The following BMPR1B variants were observed in gnomAD, a reference collection of about 807,000 sequenced individuals.
BMPR1B encodes the protein bone morphogenetic protein receptor type-1B.
BMPR1B carries 12 observed loss-of-function variants against 59.1 expected under a neutral mutation model. The ratio of observed to expected loss-of-function variants is 0.20; its 90% CI spans 0.13 to 0.33. BMPR1B has a LOEUF of 0.33. Among genes scored for constraint, BMPR1B ranks in the 10% least tolerant of loss-of-function variants. The probability of loss-of-function intolerance (pLI) is 1.00; values close to 1 mark genes in which losing one functional copy is unlikely to be tolerated. For missense variants in BMPR1B, 550 were observed against 610.9 expected (o/e 0.90, Z 1.05); for synonymous variants, 237 against 207.3 (o/e 1.14, Z -1.23).
intron 1 of BMPR1B, among the ~76,000 whole-genome samples, chr4:94,827,567 G>C (rs949384213): frequency 6.6e-6 from 1 of 151,914 alleles, no homozygotes; most frequent in Non-Finnish European, 1.5e-5. Flanking sequence ...TTTCCTTAGA[G>C]AGCTTACTTT....
At chr4:94,949,819 C>T (rs1004428262) in intron 2 of BMPR1B, among the ~76,000 whole-genome samples, 1 of 152,112 alleles carries the variant, frequency 6.6e-6, no homozygotes, top group African/African-American at 2.4e-5. Flanking sequence ...AATGGGATTA[C>T]TGGGTCAAAT....
At chr4:95,067,619 T>C (rs1435023805) in intron 3 of BMPR1B, among the ~76,000 whole-genome samples, 1 of 152,230 alleles carries the variant, frequency 6.6e-6, no homozygotes, top group African/African-American at 2.4e-5. Context: ...TTGTAAATAA[T>C]AGACGTGTTG....
At chr4:94,774,582 G>A (rs141331027) in intron 1 of BMPR1B, among the ~76,000 whole-genome samples, 30 of 151,968 alleles carry the variant, frequency 2.0e-4, no homozygotes, top group African/African-American at 6.5e-4. Flanking sequence ...TTTTCTTCTT[G>A]TGCTTTTCTG....
chr4:94,902,094 AT>A (rs1727840862), intron 2 of BMPR1B, among the ~76,000 whole-genome samples: 1 of 111,492 alleles, frequency 9.0e-6, no homozygotes, highest in African/African-American at 4.1e-5. Context: ...TGTGGGGTGT[AT>A]TTAAAGGAAA....
chr4:95,043,181 CAAAAAAAAAAAAAA>C (rs751904820), intron 3 of BMPR1B, among the ~76,000 whole-genome samples: 13 of 51,454 alleles, frequency 2.5e-4, no homozygotes, highest in South Asian at 1.1e-3. Context: ...GACTCCGTCT[CAAAAAAAAAAAAAA>C]AAAAAAAAAA....
chr4:95,043,210 A>AG (rs1725794310), intron 3 of BMPR1B, among the ~76,000 whole-genome samples: 1 of 146,430 alleles, frequency 6.8e-6, no homozygotes, highest in African/African-American at 2.5e-5. Context: ...AAAAAAAAAA[A>AG]AGAATTACCT....
intron 2 of BMPR1B, among the ~76,000 whole-genome samples, chr4:94,962,655 G>A (rs975635289): frequency 3.9e-5 from 6 of 152,016 alleles, no homozygotes; most frequent in African/African-American, 1.4e-4. Context: ...GGAAATGACA[G>A]GTTTCATTCT....
At chr4:94,829,790 AG>A (rs1724510538) in intron 1 of BMPR1B, among the ~76,000 whole-genome samples, 1 of 152,202 alleles carries the variant, frequency 6.6e-6, no homozygotes, top group African/African-American at 2.4e-5. Context: ...ATAATCCCCA[AG>A]GTCAGGATTA....
At chr4:95,064,701 C>T (rs1201906736) in intron 3 of BMPR1B, among the ~76,000 whole-genome samples, 1 of 152,066 alleles carries the variant, frequency 6.6e-6, no homozygotes, top group Non-Finnish European at 1.5e-5. Context: ...AGAAAAATAA[C>T]CCAGTTTGAA....
In BMPR1B at chr4:94,758,030, G is replaced by A. The variant is rs1460536671; in HGVS notation, c.-221G>A. The A allele has an allele frequency of 6.8e-6, 1 of 147,542 alleles. No individual in the cohort carries two copies. Among genetic ancestry groups the A allele is most frequent in the Non-Finnish European group, 1.5e-5 (1 of 66,108 alleles). The allele number at this position is 147,542 out of a possible 1,614,324, so 9.1% of individuals were successfully genotyped here. The stretch of plus-strand genomic sequence containing the variant: ...CGGGACGCCGGGCAGTGCGGAGACC[G>A]CGGCGCTGAGGACGCGGGAGCCGGG... On this transcript the variant is annotated 5_prime_UTR_variant, in exon 1 of 13. Coordinates refer to ENST00000515059, the MANE Select transcript of BMPR1B (RefSeq NM_001203.3).
At chr4:94,879,248 AC>A (rs1726864621) in intron 2 of BMPR1B, among the ~76,000 whole-genome samples, 1 of 152,216 alleles carries the variant, frequency 6.6e-6, no homozygotes, top group Non-Finnish European at 1.5e-5. Flanking sequence ...AGTACCTTAT[AC>A]TTCCTGGTAG....
chr4:94,986,018 C>T (rs994916558), intron 2 of BMPR1B, among the ~76,000 whole-genome samples: 1 of 152,080 alleles, frequency 6.6e-6, no homozygotes, highest in Non-Finnish European at 1.5e-5. Flanking sequence ...TTCATTTTCT[C>T]TACTGGTGTT....
intron 10 of BMPR1B, among the ~76,000 whole-genome samples, chr4:95,145,353 T>G (rs1734566141): frequency 6.6e-6 from 1 of 152,206 alleles, no homozygotes; most frequent in African/African-American, 2.4e-5. Context: ...TATCTTTTCT[T>G]GTCAACCTTG....
chr4:95,072,182 G>A (rs1226666640), intron 3 of BMPR1B, among the ~76,000 whole-genome samples: 1 of 152,130 alleles, frequency 6.6e-6, no homozygotes, highest in Non-Finnish European at 1.5e-5. Flanking sequence ...TTTGAGAAAG[G>A]GTCAGCCTTT....
At chr4:95,108,465 A>G (rs1217777075) in intron 4 of BMPR1B, among the ~76,000 whole-genome samples, 1 of 152,082 alleles carries the variant, frequency 6.6e-6, no homozygotes, top group Non-Finnish European at 1.5e-5. Context: ...AGAATAATCC[A>G]AAAGGAGGCA....
intron 2 of BMPR1B, among the ~76,000 whole-genome samples, chr4:94,938,354 G>A (rs879546542): frequency 6.6e-5 from 10 of 152,076 alleles, no homozygotes; most frequent in Admixed American, 2.6e-4. Flanking sequence ...AAATAGCTGG[G>A]TGTGGTGGTG....
chr4:94,948,968 C>CT (rs1327526251), intron 2 of BMPR1B, among the ~76,000 whole-genome samples: 1 of 152,068 alleles, frequency 6.6e-6, no homozygotes. Context: ...AATGAAAAGT[C>CT]ATTCATTCAT....
chr4:94,912,022 A>G (rs373668941), intron 2 of BMPR1B, among the ~76,000 whole-genome samples: 57 of 152,282 alleles, frequency 3.7e-4, no homozygotes, highest in African/African-American at 1.2e-3. Flanking sequence ...GAGCCTCACA[A>G]TCATGGTGGA....
rs749047942 is a variant in BMPR1B, at chr4:95,104,557, A to G, written c.133A>G (p.Asn45Asp). ...HHHCPEDSVN[N>D]ICSTDGYCFT... ...CCATTGTCCAGAAGACTCAGTCAAC[A>G]ATATTTGCAGGTTGGTGATATAAAT... Residue 45 changes from asparagine to aspartate, a missense_variant, in exon 4 of 13, where the codon AAT becomes GAT. Asn to Asp is a conservative substitution (Grantham distance 23, BLOSUM62 1). This residue lies in a region of BMPR1B where 22 missense variants were observed against 66.1 expected (regional missense o/e 0.33). Transcript: ENST00000515059. 6.2e-7 allele frequency: 1 copy of G among 1,613,408 alleles called. No individual in the cohort carries two copies. The highest frequency in any genetic ancestry group is 2.2e-5 in the East Asian group (1 of 44,878).
Sources: allele counts gnomAD v4.1 joint callset (sites outside exome capture counted in the v4.1 genomes callset), GRCh38; gene constraint gnomAD v4.1.1; regional missense constraint gnomAD v4.1.1; transcripts MANE v1.5; gene names NCBI Gene and HGNC (gene_info 2026-07-23, HGNC 2026-07-21).